SPTB: variants seen among roughly 807,000 people sequenced by gnomAD.
SPTB encodes the protein spectrin beta, erythrocytic.
Under a neutral mutation model 256.2 loss-of-function variants are expected in SPTB, and 45 were observed. That is an observed-to-expected ratio of 0.18 (90% CI 0.14 to 0.23). SPTB has a LOEUF of 0.23. Ranked by LOEUF, SPTB falls within the 10% of genes least tolerant of loss-of-function variation. The probability of loss-of-function intolerance (pLI) is 1.00; values close to 1 mark genes in which losing one functional copy is unlikely to be tolerated. For missense variants in SPTB, 2,715 were observed against 3,040.4 expected, an observed-to-expected ratio of 0.89 and a Z score of 2.52; for synonymous variants, 1,231 against 1,243.1, an observed-to-expected ratio of 0.99 and a Z score of 0.21.
In SPTB at chr14:64,826,617, C is replaced by T. The variant is rs1384627000; in HGVS notation, c.-51-3472G>A. On this transcript the variant is annotated intron_variant, in intron 1 of 35. Coordinates refer to ENST00000644917, the MANE Select transcript of SPTB (RefSeq NM_001355436.2). This position sits in a 1 kb window ranked among gnomAD's most constrained non-coding sequence, Gnocchi z 4.4. ...CCATCAGTAAACCCAGGAAAAAAGG[C>T]ATAAGTACTTCCTTGTCCATTCATT... Among the ~76,000 whole-genome samples, 1 of 152,136 alleles carries T rather than the reference C, an allele frequency of 6.6e-6. No individual in the cohort carries two copies. The highest frequency in any genetic ancestry group is 1.9e-4 in the East Asian group (1 of 5,200).
At position 64,772,978 on chromosome 14, in the gene SPTB, G is replaced by C; in HGVS notation, c.5179-24C>G. ...AGCTAGGCATGGGGCAGACAGAAAT[G>C]TGGTTATGGGGGGCACAGGGGTTAC... On this transcript the variant is annotated intron_variant, in intron 25 of 35. Coordinates refer to ENST00000644917, the MANE Select transcript of SPTB (RefSeq NM_001355436.2). The surrounding 1 kb of genome is among the most constrained non-coding windows in gnomAD (Gnocchi z 5.4). 1 of 1,593,262 alleles carries C rather than the reference G, an allele frequency of 6.3e-7. No homozygotes were observed. The highest frequency in any genetic ancestry group is 8.5e-7 in the Non-Finnish European group (1 of 1,172,238).
intron 1 of SPTB, among the ~76,000 whole-genome samples, chr14:64,877,144 GT>G (rs1466297031): frequency 7.1e-6 from 1 of 140,608 alleles, no homozygotes; most frequent in Non-Finnish European, 1.5e-5. Flanking sequence ...AGGAAAATCT[GT>G]TCTTTAAAAA....
intron 1 of SPTB, among the ~76,000 whole-genome samples, chr14:64,837,398 A>G (rs2083541781): frequency 6.6e-6 from 1 of 152,220 alleles, no homozygotes; most frequent in South Asian, 2.1e-4. Context: ...TATAAATATA[A>G]GACAATATGG....
At chr14:64,846,800 C>A (rs752615189) in intron 1 of SPTB, among the ~76,000 whole-genome samples, 15 of 152,192 alleles carry the variant, frequency 9.9e-5, no homozygotes, top group Admixed American at 1.3e-4. Context: ...TCCCACTGAT[C>A]CTTCACATTC....
chr14:64,829,132 T>G (rs918766824), intron 1 of SPTB, among the ~76,000 whole-genome samples: 9 of 152,208 alleles, frequency 5.9e-5, no homozygotes, highest in African/African-American at 1.9e-4. Context: ...TCATGACCTA[T>G]GACGTTCTTG....
In SPTB at chr14:64,758,052, G is replaced by A. The variant is rs1018758999; in HGVS notation, c.6346-4259C>T. Among the ~76,000 whole-genome samples, 3 of 152,232 alleles carry A rather than the reference G, an allele frequency of 2.0e-5. No individual in the cohort carries two copies. Among genetic ancestry groups the A allele is most frequent in the African/African-American group, 4.8e-5 (2 of 41,472 alleles). On this transcript the variant is annotated intron_variant, in intron 32 of 35. Coordinates refer to ENST00000644917, the MANE Select transcript of SPTB (RefSeq NM_001355436.2). This position sits in a 1 kb window ranked among gnomAD's most constrained non-coding sequence, Gnocchi z 4.6. ...AACCTTCCTGACTCAGTTAGTGGGAGTGAGCCCATGACCTACTTCACAGGT... is the reference window on the plus strand; with the variant it reads ...AACCTTCCTGACTCAGTTAGTGGGAATGAGCCCATGACCTACTTCACAGGT...
chr14:64,806,024 C>T lies in SPTB; in HGVS notation c.149-934G>A, dbSNP rs2082976739. Among the ~76,000 whole-genome samples, 1 of 152,058 alleles carries T rather than the reference C, an allele frequency of 6.6e-6. No individual in the cohort carries two copies. The highest frequency in any genetic ancestry group is 6.5e-5 in the Admixed American group (1 of 15,268). On this transcript the variant is annotated intron_variant, in intron 2 of 35. Transcript: ENST00000644917. The surrounding 1 kb of genome is among the most constrained non-coding windows in gnomAD (Gnocchi z 4.1). ...ACCAGTTCAGGTGGGGTACTTCTTA[C>T]TGCCTCTGTACAAATAATGCTGGTG...
Position 64,785,999 on chromosome 14 carries a change from T to C in SPTB, c.3562-48A>G, listed in dbSNP as rs778194631. 1.9e-6 allele frequency: 3 copies of C among 1,593,350 alleles called. No homozygotes were observed. Among genetic ancestry groups the C allele is most frequent in the East Asian group, 4.5e-5 (2 of 44,698 alleles). On this transcript the variant is annotated intron_variant, in intron 16 of 35. Coordinates refer to ENST00000644917, the MANE Select transcript of SPTB (RefSeq NM_001355436.2). This position sits in a 1 kb window ranked among gnomAD's most constrained non-coding sequence, Gnocchi z 4.4. ...AAGGCATGAAGACACACGGAGGAGG[T>C]GATGAGCACACCTCCCAAGTGGGAG...
intron 29 of SPTB, among the ~76,000 whole-genome samples, chr14:64,768,401 T>C: frequency 6.6e-6 from 1 of 152,208 alleles, no homozygotes. Context: ...GAAAACAAAA[T>C]GTATTTTAGA....
At position 64,796,037 on chromosome 14, in the gene SPTB, G is replaced by T. The variant is rs904521571; in HGVS notation, c.1342-398C>A. Among the ~76,000 whole-genome samples the T allele has an allele frequency of 2.0e-5, 3 of 152,142 alleles. No homozygotes were observed. Among genetic ancestry groups the T allele is most frequent in the Admixed American group, 1.3e-4 (2 of 15,276 alleles). On this transcript the variant is annotated intron_variant, in intron 11 of 35. Transcript: ENST00000644917. The surrounding 1 kb of genome is among the most constrained non-coding windows in gnomAD (Gnocchi z 4.1). Reference sequence around the variant, plus strand: ...AGATGGTTTATTCACATGCTATCTGGGGTGCGCATACACTCTCCAGTGCTC... The same window carrying T: ...AGATGGTTTATTCACATGCTATCTGTGGTGCGCATACACTCTCCAGTGCTC...
intron 15 of SPTB, among the ~76,000 whole-genome samples, chr14:64,789,176 C>A (rs934388202): frequency 6.6e-6 from 1 of 151,910 alleles, no homozygotes; most frequent in Non-Finnish European, 1.5e-5. Context: ...CATAGTGAGA[C>A]CTCATCTCTA....
At chr14:64,773,054 G>A (rs747858) in intron 25 of SPTB, 100 bp from the exon 26 acceptor site, 109,685 of 1,559,652 alleles carry the variant, frequency 0.07, 4,247 homozygotes, top group Non-Finnish European at 0.081. Flanking sequence ...CTGCAGCTCC[G>A]GGAGCTGCGC....
At chr14:64,769,468 G>T in intron 28 of SPTB, 122 bp downstream of exon 28, 1 of 1,359,158 alleles carries the variant, frequency 7.4e-7, no homozygotes, top group Non-Finnish European at 1.0e-6. Flanking sequence ...ATCTCCATGA[G>T]TGAGAGCAAG....
intron 33 of SPTB, chr14:64,752,376 TC>T: frequency 1.3e-6 from 1 of 748,814 alleles, no homozygotes; most frequent in Non-Finnish European, 2.0e-6. Flanking sequence ...TTCTGGAAGG[TC>T]AGAGAGAGAA....
intron 28 of SPTB, 55 bp from the exon 29 acceptor site, chr14:64,769,173 G>A: frequency 6.5e-7 from 1 of 1,532,350 alleles, no homozygotes; most frequent in Non-Finnish European, 9.0e-7. Context: ...CACCATCTGA[G>A]GCAGTGCGCA....
In SPTB at chr14:64,870,855, A is replaced by G. The variant is rs188547395; in HGVS notation, c.-52+8937T>C. On this transcript the variant is annotated intron_variant, in intron 1 of 35. Coordinates refer to ENST00000644917, the MANE Select transcript of SPTB (RefSeq NM_001355436.2). Reference sequence around the variant, plus strand: ...ACCCATGTTCACAGCAGCATTATTCACAATAGGCAAGAGTAGAAGCAACCC... The same window carrying G: ...ACCCATGTTCACAGCAGCATTATTCGCAATAGGCAAGAGTAGAAGCAACCC... 1.7e-4 allele frequency among the ~76,000 whole-genome samples: 26 copies of G among 152,344 alleles called. 1 individual carries two copies. The East Asian group carries it at 5.0e-3, about 29-fold the overall frequency.
chr14:64,805,111 T>C (rs1205096005), intron 2 of SPTB, 21 bp from the exon 3 acceptor site: 1 of 1,613,926 alleles, frequency 6.2e-7, no homozygotes, highest in Non-Finnish European at 8.5e-7. Flanking sequence ...AGAAGAACCT[T>C]GGTGAGGTGC....
chr14:64,775,324 G>A lies in SPTB; in HGVS notation c.4643C>T (p.Ala1548Val), dbSNP rs377634587. The A allele has an allele frequency of 1.9e-5, 30 of 1,612,896 alleles. 1 individual carries two copies. Among genetic ancestry groups the A allele is most frequent in the African/African-American group, 2.7e-5 (2 of 74,892 alleles). The change falls in exon 23 of 36, where the codon GCG becomes GTG. Residue 1548 changes from alanine to valine, a missense_variant. Physicochemically the swap from Ala to Val is moderately conservative, Grantham distance 64. Around this residue, in one of 4 missense-constraint regions of SPTB, gnomAD observed 2,239 missense variants for 2,384.4 expected, o/e 0.94. Transcript: ENST00000644917. This position sits in a 1 kb window ranked among gnomAD's most constrained non-coding sequence, Gnocchi z 5.0. Reference sequence around the variant, plus strand: ...CTCAAGGTCCTGGCAGTCGATCTCCGCCGCCTCCACCAGCTGCTGCCCTCT... The same window carrying A: ...CTCAAGGTCCTGGCAGTCGATCTCCACCGCCTCCACCAGCTGCTGCCCTCT... ...LQRGQQLVEA[A>V]EIDCQDLEER...
chr14:64,843,432 C>T (rs1047272471), intron 1 of SPTB, among the ~76,000 whole-genome samples: 28 of 152,110 alleles, frequency 1.8e-4, no homozygotes, highest in African/African-American at 6.3e-4. Flanking sequence ...TTTTATACTT[C>T]ACTGGGGAAA....
Sources: allele counts gnomAD v4.1 joint callset (sites outside exome capture counted in the v4.1 genomes callset), GRCh38; gene constraint gnomAD v4.1.1; regional missense constraint gnomAD v4.1.1; non-coding constraint Gnocchi (gnomAD v3.1); transcripts MANE v1.5; gene names NCBI Gene and HGNC (gene_info 2026-07-23, HGNC 2026-07-21).